Variants in PPP4R1 observed in about 807,000 individuals in gnomAD.
PPP4R1 encodes serine/threonine-protein phosphatase 4 regulatory subunit 1.
Under a neutral mutation model 111.2 loss-of-function variants are expected in PPP4R1, and 42 were observed. The ratio of observed to expected loss-of-function variants is 0.38; its 90% CI spans 0.29 to 0.49. The LOEUF is 0.49. Among genes scored for constraint, PPP4R1 ranks in the 20% least tolerant of loss-of-function variants. PPP4R1 has a pLI of 0.97. For synonymous variants in PPP4R1, 409 were observed against 405.5 expected (o/e 1.01, Z -0.10); for missense variants, 1,012 against 1,161.6 (o/e 0.87, Z 1.87).
At chr18:9,613,482 G>C (rs1041578584) in intron 2 of PPP4R1, 2 of 152,050 alleles carry the variant, frequency 1.3e-5, no homozygotes, top group Admixed American at 6.6e-5. Flanking sequence ...CAGAAACTTT[G>C]TCTTTTTAAA....
chr18:9,577,083 A>G lies in PPP4R1; in HGVS notation c.1027T>C (p.Ser343Pro). The change falls in exon 10 of 20, where the codon TCA becomes CCA. Residue 343 changes from serine (S) to proline (P), a missense_variant. Coordinates refer to ENST00000400556, the MANE Select transcript of PPP4R1 (RefSeq NM_001042388.3). ...TTATACCTATTTTTGTTTTCTACTG[A>G]CATCTCTTCTGAACTTTTGCTTTCT... Reference protein sequence around the residue: ...KEESKSSEEMSVENKNRTRDQ... With the variant: ...KEESKSSEEMPVENKNRTRDQ... 6.4e-7 allele frequency: 1 copy of G among 1,571,378 alleles called. No homozygotes were observed. The highest frequency in any genetic ancestry group is 1.2e-5 in the South Asian group (1 of 84,224).
chr18:9,557,793 A>T (rs570882885), intron 14 of PPP4R1, among the ~76,000 whole-genome samples: 3 of 151,292 alleles, frequency 2.0e-5, no homozygotes, highest in South Asian at 2.1e-4. Flanking sequence ...TATTACTCCT[A>T]AGCTCTTCCA....
chr18:9,579,182 T>C (rs960784421), intron 9 of PPP4R1, among the ~76,000 whole-genome samples: 2 of 152,172 alleles, frequency 1.3e-5, no homozygotes, highest in Non-Finnish European at 2.9e-5. Context: ...CTGCCTGTAA[T>C]TGAGTAATTT....
In PPP4R1 at chr18:9,614,307, C is replaced by T. The variant is rs1210351987; in HGVS notation, c.8-37G>A. The T allele has an allele frequency of 6.6e-6, 8 of 1,221,132 alleles. No homozygotes were observed. Among genetic ancestry groups the T allele is most frequent in the Non-Finnish European group, 8.3e-6 (8 of 968,628 alleles). The allele number at this position is 1,221,132 out of a possible 1,614,324, so 75.6% of individuals were successfully genotyped here. On this transcript the variant is annotated intron_variant, in intron 1 of 19. Transcript: ENST00000400556. The surrounding 1 kb of genome is among the most constrained non-coding windows in gnomAD (Gnocchi z 4.1). Reference sequence around the variant, plus strand: ...GGAGAGAAGAAAGGCCCGGTCAGCGCCCCGGGGCCCGGCGCGACGCCCCCC... The same window carrying T: ...GGAGAGAAGAAAGGCCCGGTCAGCGTCCCGGGGCCCGGCGCGACGCCCCCC...
chr18:9,588,333 C>A, intron 5 of PPP4R1, 98 bp from the exon 6 acceptor site: 4 of 1,302,670 alleles, frequency 3.1e-6, no homozygotes, highest in Non-Finnish European at 3.1e-6. Context: ...CTCAAAGGGA[C>A]CCATAACTGG....
At chr18:9,592,643 A>G (rs896172364) in intron 4 of PPP4R1, among the ~76,000 whole-genome samples, 10 of 151,622 alleles carry the variant, frequency 6.6e-5, no homozygotes, top group Non-Finnish European at 1.2e-4. Context: ...CAATGTGAGA[A>G]CATATTTTAA....
In PPP4R1 at chr18:9,570,331, C is replaced by A. The variant is rs572115963; in HGVS notation, c.1399G>T (p.Asp467Tyr). Residue 467 changes from aspartate (D) to tyrosine (Y), a missense_variant, in exon 11 of 20, where the codon GAT (aspartate) becomes TAT (tyrosine). Physicochemically the swap from Asp to Tyr is radical, Grantham distance 160. Transcript: ENST00000400556. ...HFWRTPLPEI[D>Y]LDIELEQNSG... ...TTCTGTTCAAGCTCTATGTCTAGAT[C>A]TATTTCAGGAAGAGGAGTCCTCCAG... 4 of 1,611,726 alleles carry A rather than the reference C, an allele frequency of 2.5e-6. No individual in the cohort carries two copies. The highest frequency in any genetic ancestry group is 2.7e-5 in the African/African-American group (2 of 74,844).
chr18:9,583,104 A>C lies in PPP4R1; in HGVS notation c.918+13T>G, dbSNP rs762713304. 3.0e-5 allele frequency: 48 copies of C among 1,593,998 alleles called. No homozygotes were observed. Among genetic ancestry groups the C allele is most frequent in the Non-Finnish European group, 3.9e-5 (46 of 1,166,640 alleles). On this transcript the variant is annotated intron_variant, in intron 9 of 19. Transcript: ENST00000400556. The stretch of plus-strand genomic sequence containing the variant: ...AATGTATTATTTTACAAAAGTGATA[A>C]TCAAAACCCTACCCAACGTGAAGGA...
chr18:9,611,292 G>T (rs2067575092), intron 2 of PPP4R1, among the ~76,000 whole-genome samples: 1 of 152,072 alleles, frequency 6.6e-6, no homozygotes, highest in Non-Finnish European at 1.5e-5. Context: ...CCATACTCTG[G>T]AGTTTTACCA....
chr18:9,580,158 G>GCCCCC (rs2067003062), intron 9 of PPP4R1, among the ~76,000 whole-genome samples: 1 of 152,118 alleles, frequency 6.6e-6, no homozygotes, highest in Non-Finnish European at 1.5e-5. Flanking sequence ...ATATGCAAAG[G>GCCCCC]TCCTGAGATT....
rs1289785006 is a variant in PPP4R1, at chr18:9,591,712, C to G, written c.295+2056G>C. Among the ~76,000 whole-genome samples the G allele has an allele frequency of 3.9e-5, 6 of 152,296 alleles. No individual in the cohort carries two copies. The East Asian group carries it at 9.6e-4, about 24-fold the overall frequency. On this transcript the variant is annotated intron_variant, in intron 4 of 19. Coordinates refer to ENST00000400556, the MANE Select transcript of PPP4R1 (RefSeq NM_001042388.3). ...AAATCCTCTCTCTTCCTCACTCTAT[C>G]CAGAGGTTAGCCTTGGAATCCCTCC... is the stretch of plus-strand genomic sequence containing the variant.
chr18:9,572,725 A>G (rs1305474881), intron 10 of PPP4R1, among the ~76,000 whole-genome samples: 1 of 152,246 alleles, frequency 6.6e-6, no homozygotes, highest in Non-Finnish European at 1.5e-5. Context: ...CCCTCTCATC[A>G]TAATGCTGTT....
Position 9,584,595 on chromosome 18 carries a change from A to T in PPP4R1, c.694-15T>A, listed in dbSNP as rs1442947836. 6.2e-7 allele frequency: 1 copy of T among 1,609,418 alleles called. No individual in the cohort carries two copies. Among genetic ancestry groups the T allele is most frequent in the South Asian group, 1.1e-5 (1 of 90,224 alleles). ...GCAGCACAGACCTGACAACAAAAGC[A>T]TCATTGACATTTCAAAATATTACAC... On this transcript the variant is annotated splice_polypyrimidine_tract_variant and intron_variant, in intron 7 of 19. Transcript: ENST00000400556.
chr18:9,584,648 A>C, intron 7 of PPP4R1, 68 bp from the exon 8 acceptor site: 2 of 1,601,310 alleles, frequency 1.2e-6, no homozygotes, highest in South Asian at 1.1e-5. Context: ...TAATCTTTTA[A>C]ATATCATGTA....
rs753500066 is a variant in PPP4R1, at chr18:9,562,023, T to C, written c.1799A>G (p.Asn600Ser). 2.5e-6 allele frequency: 4 copies of C among 1,613,434 alleles called. No homozygotes were observed. The highest frequency in any genetic ancestry group is 2.2e-5 in the South Asian group (2 of 91,044). ...YIHSDSDLSNNSSFSPDEERR... is the reference protein window; with the variant it reads ...YIHSDSDLSNSSSFSPDEERR... ...TTCCTCATCAGGGCTAAAACTGCTA[T>C]TGTTGCTCAAGTCTGAATCGCTGTG... The change falls in exon 13 of 20, where the codon AAT (asparagine) becomes AGT (serine). Residue 600 changes from asparagine (N) to serine (S), a missense_variant. Around this residue, in one of 2 missense-constraint regions of PPP4R1, gnomAD observed 707 missense variants for 742.1 expected, o/e 0.95. Coordinates refer to ENST00000400556, the MANE Select transcript of PPP4R1 (RefSeq NM_001042388.3).
In PPP4R1 at chr18:9,570,327, A is replaced by G; in HGVS notation, c.1403T>C (p.Leu468Pro). ...AGAGTTCTGTTCAAGCTCTATGTCTAGATCTATTTCAGGAAGAGGAGTCCT... is the reference window on the plus strand; with the variant it reads ...AGAGTTCTGTTCAAGCTCTATGTCTGGATCTATTTCAGGAAGAGGAGTCCT... The part of the protein sequence containing the change: ...FWRTPLPEID[L>P]DIELEQNSGG... The change falls in exon 11 of 20, where the codon CTA becomes CCA. Residue 468 changes from leucine to proline, a missense_variant. Physicochemically the swap from Leu to Pro is moderately conservative, Grantham distance 98. Around this residue, in one of 2 missense-constraint regions of PPP4R1, gnomAD observed 707 missense variants for 742.1 expected, o/e 0.95. Coordinates refer to ENST00000400556, the MANE Select transcript of PPP4R1 (RefSeq NM_001042388.3). 6.2e-7 allele frequency: 1 copy of G among 1,611,884 alleles called. No homozygotes were observed. The highest frequency in any genetic ancestry group is 8.5e-7 in the Non-Finnish European group (1 of 1,179,166).
In PPP4R1 at chr18:9,580,951, C is replaced by T. The variant is rs77582060; in HGVS notation, c.918+2166G>A. ...AAGGGAACCTCAGGCTGCTGCCCTT[C>T]CATACCCACTAAGCCCCTGTCATAC... On this transcript the variant is annotated intron_variant, in intron 9 of 19. Transcript: ENST00000400556. 9.0e-3 allele frequency among the ~76,000 whole-genome samples: 1,373 copies of T among 152,288 alleles called. 20 individuals carry two copies. The highest frequency in any genetic ancestry group is 0.032 in the African/African-American group (1,311 of 41,562).
chr18:9,561,575 GTATTTTT>G (rs1025461705), intron 13 of PPP4R1, among the ~76,000 whole-genome samples: 20 of 152,034 alleles, frequency 1.3e-4, no homozygotes, highest in African/African-American at 4.6e-4. Flanking sequence ...TAAAATTTTC[GTATTTTT>G]TCATATTTTC....
intron 3 of PPP4R1, chr18:9,594,815 C>A: frequency 1.3e-5 from 6 of 466,826 alleles, no homozygotes; most frequent in Non-Finnish European, 1.4e-5. Flanking sequence ...TTTTTTTTTG[C>A]AAAGAAAGCA....
Sources: gnomAD v4.1 joint callset for allele counts (sites outside exome capture counted in the v4.1 genomes callset) on GRCh38, gnomAD v4.1.1 for gene constraint, gnomAD v4.1.1 regional missense constraint, Gnocchi (gnomAD v3.1) non-coding constraint, MANE v1.5 for transcripts, NCBI Gene and HGNC (gene_info 2026-07-23, HGNC 2026-07-21) for gene names.